The following FUT9 variants were observed in gnomAD, a reference collection of about 807,000 sequenced individuals.
FUT9 encodes fucosyltransferase 9.
Under a neutral mutation model 29.7 loss-of-function variants are expected in FUT9, and 15 were observed. The ratio of observed to expected loss-of-function variants is 0.51; its 90% CI spans 0.34 to 0.78. The LOEUF is 0.78. FUT9 is among the 30% of genes least tolerant of loss of function. The pLI is 0.01. For missense variants in FUT9, 319 were observed against 425.4 expected, an observed-to-expected ratio of 0.75 and a Z score of 2.20; for synonymous variants, 169 against 153.7, an observed-to-expected ratio of 1.10 and a Z score of -0.74.
intron 2 of FUT9, among the ~76,000 whole-genome samples, chr6:96,189,693 T>G (rs960259736): frequency 6.6e-5 from 10 of 152,126 alleles, no homozygotes; most frequent in Non-Finnish European, 1.3e-4. Context: ...TCTTTGTTGG[T>G]TTAAAGTCTG....
chr6:96,120,269 C>CTTTTTTTTTTTTTTTTTT (rs11347804), intron 2 of FUT9, among the ~76,000 whole-genome samples: 7 of 91,466 alleles, frequency 7.7e-5, no homozygotes, highest in East Asian at 3.2e-4. Flanking sequence ...TTTTTTCTTT[C>CTTTTTTTTTTTTTTTTTT]TTTTTTTTTT....
At chr6:96,183,691 T>C (rs1013028985) in intron 2 of FUT9, among the ~76,000 whole-genome samples, 1 of 152,104 alleles carries the variant, frequency 6.6e-6, no homozygotes, top group African/African-American at 2.4e-5. Context: ...TCTGTGTCTA[T>C]TGAGATGATC....
chr6:96,155,787 T>G (rs959143057), intron 2 of FUT9, among the ~76,000 whole-genome samples: 2 of 152,032 alleles, frequency 1.3e-5, no homozygotes, highest in African/African-American at 2.4e-5. Flanking sequence ...AGGGCAGCCA[T>G]CTGCAAGCCA....
intron 1 of FUT9, among the ~76,000 whole-genome samples, chr6:96,087,049 A>AAG: frequency 6.6e-6 from 1 of 152,282 alleles, no homozygotes; most frequent in South Asian, 2.1e-4. Flanking sequence ...CATATGGGTG[A>AAG]AGACCAGTTC....
intron 1 of FUT9, among the ~76,000 whole-genome samples, chr6:96,076,208 A>T (rs889078783): frequency 6.6e-6 from 1 of 152,206 alleles, no homozygotes; most frequent in Non-Finnish European, 1.5e-5. Flanking sequence ...ACCAAATGGT[A>T]CTTTATAACT....
chr6:96,063,050 G>A (rs557966688), intron 1 of FUT9, among the ~76,000 whole-genome samples: 11 of 152,220 alleles, frequency 7.2e-5, no homozygotes, highest in South Asian at 4.1e-4. Context: ...AAACCTCCTC[G>A]TAAATGAACT....
chr6:96,213,850 T>A lies in FUT9; in HGVS notation c.*9615T>A, dbSNP rs997402426. 1 of 166,980 alleles carries A rather than the reference T, an allele frequency of 6.0e-6. No individual in the cohort carries two copies. The highest frequency in any genetic ancestry group is 2.4e-5 in the African/African-American group (1 of 41,450). The allele number at this position is 166,980 out of a possible 1,614,324, so 10.3% of individuals were successfully genotyped here. ...TAGCTAATGCATGTTTGAAATAAGA[T>A]GTGTTAGAAATTATATGACTATATT... On this transcript the variant is annotated 3_prime_UTR_variant, in exon 3 of 3. Transcript: ENST00000302103.
chr6:96,140,892 T>A (rs1225757181), intron 2 of FUT9, among the ~76,000 whole-genome samples: 1 of 152,208 alleles, frequency 6.6e-6, no homozygotes, highest in Admixed American at 6.5e-5. Flanking sequence ...ATGCATTACA[T>A]ACCTAAAATC....
chr6:96,101,819 A>G (rs1241053312), intron 1 of FUT9, among the ~76,000 whole-genome samples: 1 of 137,004 alleles, frequency 7.3e-6, no homozygotes, highest in Non-Finnish European at 1.6e-5. Flanking sequence ...ACGCCCAGCT[A>G]TTTTTTTTTT....
chr6:96,133,409 T>C (rs1349375314), intron 2 of FUT9, among the ~76,000 whole-genome samples: 6 of 151,902 alleles, frequency 3.9e-5, no homozygotes, highest in African/African-American at 1.2e-4. Flanking sequence ...AGAGAAATCA[T>C]TGTGAACATC....
In FUT9 at chr6:96,209,464, G is replaced by A. The variant is rs9386382; in HGVS notation, c.*5229G>A. The A allele has an allele frequency of 0.92, 153,292 of 166,612 alleles. 71,923 individuals carry two copies. The highest frequency in any genetic ancestry group is 1 in the Non-Finnish European group (67,851 of 67,980). The allele number at this position is 166,612 out of a possible 1,614,324, so 10.3% of individuals were successfully genotyped here. On this transcript the variant is annotated 3_prime_UTR_variant, in exon 3 of 3. Coordinates refer to ENST00000302103, the MANE Select transcript of FUT9 (RefSeq NM_006581.4). ...CTGCTCACTGACATCTTAATTGCCT[G>A]CAGAAAAATCAATCATATTTTAGGC... is the stretch of plus-strand genomic sequence containing the variant.
At chr6:96,025,215 T>C (rs981357139) in intron 1 of FUT9, among the ~76,000 whole-genome samples, 3 of 151,778 alleles carry the variant, frequency 2.0e-5, no homozygotes, top group Non-Finnish European at 3.0e-5. Flanking sequence ...CAAATCTTAG[T>C]ATTAGTTGTT....
At chr6:96,074,252 T>G (rs898831894) in intron 1 of FUT9, among the ~76,000 whole-genome samples, 5 of 152,136 alleles carry the variant, frequency 3.3e-5, no homozygotes, top group African/African-American at 1.2e-4. Flanking sequence ...TACATAAAAT[T>G]TGATGATGTC....
chr6:96,079,560 T>C (rs375992885), intron 1 of FUT9, among the ~76,000 whole-genome samples: 5 of 152,190 alleles, frequency 3.3e-5, no homozygotes, highest in African/African-American at 1.2e-4. Context: ...GAGATTAATA[T>C]ATCATTTTTA....
intron 2 of FUT9, among the ~76,000 whole-genome samples, chr6:96,199,570 A>G (rs1444213360): frequency 2.0e-5 from 3 of 152,148 alleles, no homozygotes; most frequent in Admixed American, 6.6e-5. Flanking sequence ...AGAGAGACTG[A>G]GACATGGAAC....
rs1379545213 is a variant in FUT9 at position 96,214,519 on chromosome 6, C to T, written c.*10284C>T. On this transcript the variant is annotated 3_prime_UTR_variant, in exon 3 of 3. Transcript: ENST00000302103. ...AATGTTGGCTGCAGAGGAGCCTTTA[C>T]ATGCAGATAATTTGAAGCAGTCTTT... The T allele has an allele frequency of 2.4e-5, 4 of 166,896 alleles. No individual in the cohort carries two copies. The highest frequency in any genetic ancestry group is 7.2e-5 in the African/African-American group (3 of 41,438). The allele number at this position is 166,896 out of a possible 1,614,324, so 10.3% of individuals were successfully genotyped here.
chr6:96,166,597 T>A (rs1773020002), intron 2 of FUT9, among the ~76,000 whole-genome samples: 1 of 152,126 alleles, frequency 6.6e-6, no homozygotes, highest in South Asian at 2.1e-4. Flanking sequence ...GAAAATAAAA[T>A]ATTTCCTATA....
rs551944645 is a variant in FUT9 at position 96,118,904 on chromosome 6, A to AG, written c.-9+4779dup. ...ATAAAAAACAAAAATATTTAAAAAT[A>AG]GGAAAAAAGCTTATAGAATAAGGAT... On this transcript the variant is annotated intron_variant, in intron 2 of 2. Coordinates refer to ENST00000302103, the MANE Select transcript of FUT9 (RefSeq NM_006581.4). Among the ~76,000 whole-genome samples, 228 of 152,314 alleles carry AG rather than the reference A, an allele frequency of 1.5e-3. 2 individuals carry two copies. Among genetic ancestry groups the AG allele is most frequent in the African/African-American group, 5.3e-3 (219 of 41,562 alleles).
intron 1 of FUT9, among the ~76,000 whole-genome samples, chr6:96,104,572 C>A (rs1028523389): frequency 1.3e-5 from 2 of 152,162 alleles, no homozygotes; most frequent in African/African-American, 4.8e-5. Context: ...GCCCTGTCGC[C>A]CAGGCTGGAG....
Sources: allele counts gnomAD v4.1 joint callset (sites outside exome capture counted in the v4.1 genomes callset), GRCh38; gene constraint gnomAD v4.1.1; transcripts MANE v1.5; gene names NCBI Gene and HGNC (gene_info 2026-07-23, HGNC 2026-07-21).